COMMD10: variants seen among roughly 807,000 people sequenced by gnomAD.
COMMD10 encodes the protein COMM domain containing 10, also known as COMM domain-containing protein 10.
A neutral mutation model predicts 28.9 loss-of-function variants in COMMD10; 33 were observed. That is an observed-to-expected ratio of 1.14 (90% CI 0.87 to 1.53). COMMD10 has a LOEUF of 1.53. Ranked by LOEUF, COMMD10 falls within the 40% of genes most tolerant of loss-of-function variation. COMMD10 has a pLI of 0.00. For synonymous variants in COMMD10, 110 were observed against 81.7 expected (o/e 1.35, Z -1.87); for missense variants, 310 against 233.4 (o/e 1.33, Z -2.14).
chr5:116,197,914 T>C (rs921689279), intron 5 of COMMD10, among the ~76,000 whole-genome samples: 2 of 152,158 alleles, frequency 1.3e-5, no homozygotes, highest in Admixed American at 6.6e-5. Context: ...AGATTCACAG[T>C]TCAGTTTAGC....
intron 5 of COMMD10, among the ~76,000 whole-genome samples, chr5:116,263,514 G>C (rs1446484509): frequency 1.3e-5 from 2 of 151,546 alleles, no homozygotes. Flanking sequence ...TTTCTTTCCA[G>C]ATCCAGGCGA....
In COMMD10 at chr5:116,150,471, G is replaced by T. The variant is rs1286067396; in HGVS notation, c.510+16293G>T. Among the ~76,000 whole-genome samples the T allele has an allele frequency of 4.0e-5, 6 of 151,814 alleles. No individual in the cohort carries two copies. In the East Asian group the frequency reaches 1.2e-3, roughly 29 times the overall value. On this transcript the variant is annotated intron_variant, in intron 5 of 6. Coordinates refer to ENST00000274458, the MANE Select transcript of COMMD10 (RefSeq NM_016144.4). ...GAAGTATGGCTATTTTCATGATATT[G>T]ATTCTTCCTACCCATGAGCATGGAA...
At chr5:116,156,120 T>C (rs1433148650) in intron 5 of COMMD10, among the ~76,000 whole-genome samples, 1 of 152,132 alleles carries the variant, frequency 6.6e-6, no homozygotes, top group African/African-American at 2.4e-5. Flanking sequence ...TTCCTGCATT[T>C]ATGTACAAAA....
intron 5 of COMMD10, among the ~76,000 whole-genome samples, chr5:116,180,033 A>G (rs1041455176): frequency 1.3e-5 from 2 of 152,120 alleles, no homozygotes; most frequent in Non-Finnish European, 2.9e-5. Context: ...TCTTGATATT[A>G]AAAAGATTAT....
rs578217973 is a variant in COMMD10 at position 116,230,011 on chromosome 5, CAATT to C, written c.511-61505_511-61502del. On this transcript the variant is annotated intron_variant, in intron 5 of 6. Transcript: ENST00000274458. Reference sequence around the variant, plus strand: ...GCTTACTCCCTGTTAATGATTCAATCAATTGAGTATAAACTTTATTAGGTTTTGT... The same window carrying C: ...GCTTACTCCCTGTTAATGATTCAATCGAGTATAAACTTTATTAGGTTTTGT... Among the ~76,000 whole-genome samples, 373 of 152,032 alleles carry C rather than the reference CAATT, an allele frequency of 2.5e-3. 5 individuals are homozygous for C. Among genetic ancestry groups the C allele is most frequent in the African/African-American group, 8.2e-3 (340 of 41,502 alleles).
chr5:116,112,099 T>C (rs1182556398), intron 4 of COMMD10, among the ~76,000 whole-genome samples: 1 of 152,228 alleles, frequency 6.6e-6, no homozygotes, highest in Non-Finnish European at 1.5e-5. Context: ...AGAGCTGGTC[T>C]ACTTTTGACA....
intron 4 of COMMD10, among the ~76,000 whole-genome samples, chr5:116,095,983 A>G (rs1750454853): frequency 6.6e-6 from 1 of 152,148 alleles, no homozygotes; most frequent in South Asian, 2.1e-4. Context: ...TGTCTATGCC[A>G]ATATCACACT....
At chr5:116,136,783 A>G (rs1472449619) in intron 5 of COMMD10, among the ~76,000 whole-genome samples, 2 of 152,178 alleles carry the variant, frequency 1.3e-5, no homozygotes, top group Non-Finnish European at 2.9e-5. Flanking sequence ...CACATTGATT[A>G]ATCTTATAAC....
intron 5 of COMMD10, among the ~76,000 whole-genome samples, chr5:116,175,659 G>GGT (rs1753483209): frequency 6.6e-6 from 1 of 152,010 alleles, no homozygotes; most frequent in Non-Finnish European, 1.5e-5. Context: ...AGCAAAATAT[G>GGT]GTATATATAT....
chr5:116,154,902 G>A (rs993453044), intron 5 of COMMD10, among the ~76,000 whole-genome samples: 6 of 151,936 alleles, frequency 3.9e-5, no homozygotes, highest in African/African-American at 1.5e-4. Flanking sequence ...GAGAGGGAGC[G>A]GGAGTGCTTT....
intron 5 of COMMD10, among the ~76,000 whole-genome samples, chr5:116,271,613 C>T (rs1037462204): frequency 6.6e-6 from 1 of 151,696 alleles, no homozygotes; most frequent in African/African-American, 2.4e-5. Flanking sequence ...TTTAAGAAGG[C>T]ATTAGTCATC....
chr5:116,179,931 G>C (rs1399699007), intron 5 of COMMD10, among the ~76,000 whole-genome samples: 2 of 152,028 alleles, frequency 1.3e-5, no homozygotes, highest in Non-Finnish European at 2.9e-5. Flanking sequence ...ATAAAGGTAA[G>C]AAGAGTGTAG....
At chr5:116,132,251 A>C (rs867909059) in intron 4 of COMMD10, among the ~76,000 whole-genome samples, 5 of 152,138 alleles carry the variant, frequency 3.3e-5, no homozygotes, top group Non-Finnish European at 5.9e-5. Context: ...TAGTTTCCAA[A>C]ATCCTTTAGG....
intron 4 of COMMD10, among the ~76,000 whole-genome samples, chr5:116,131,729 A>C (rs1751868702): frequency 6.6e-6 from 1 of 151,992 alleles, no homozygotes; most frequent in African/African-American, 2.4e-5. Flanking sequence ...ACATGTAGAC[A>C]AATTATTGCA....
chr5:116,217,794 A>G (rs1378941214), intron 5 of COMMD10, among the ~76,000 whole-genome samples: 1 of 152,132 alleles, frequency 6.6e-6, no homozygotes, highest in Non-Finnish European at 1.5e-5. Flanking sequence ...AAGTCTCTCA[A>G]AACTAGAAGG....
intron 5 of COMMD10, among the ~76,000 whole-genome samples, chr5:116,145,221 G>C (rs1472212611): frequency 8.6e-4 from 130 of 151,912 alleles, no homozygotes; most frequent in Non-Finnish European, 1.5e-4. Flanking sequence ...TGAACAAACT[G>C]GGTATTTTAG....
intron 4 of COMMD10, among the ~76,000 whole-genome samples, chr5:116,119,855 A>G (rs1441020345): frequency 1.3e-5 from 2 of 152,104 alleles, no homozygotes; most frequent in Non-Finnish European, 2.9e-5. Flanking sequence ...GCCTCAAGCA[A>G]TTGGTCCCCC....
chr5:116,131,290 A>T (rs1362404786), intron 4 of COMMD10, among the ~76,000 whole-genome samples: 1 of 152,004 alleles, frequency 6.6e-6, no homozygotes, highest in Non-Finnish European at 1.5e-5. Flanking sequence ...AGCAAACCAA[A>T]TGAAAGCTAG....
intron 5 of COMMD10, among the ~76,000 whole-genome samples, chr5:116,190,741 A>C (rs1260615491): frequency 6.6e-6 from 1 of 152,236 alleles, no homozygotes; most frequent in African/African-American, 2.4e-5. Flanking sequence ...GCAACTAACA[A>C]CTTTAAGCTG....
Sources: gnomAD v4.1 joint callset for allele counts (sites outside exome capture counted in the v4.1 genomes callset) on GRCh38, gnomAD v4.1.1 for gene constraint, MANE v1.5 for transcripts, NCBI Gene and HGNC (gene_info 2026-07-23, HGNC 2026-07-21) for gene names.